The following ABCC5 variants were observed in gnomAD, a reference collection of about 807,000 sequenced individuals.
ABCC5 encodes ATP-binding cassette sub-family C member 5.
ABCC5 carries 61 observed loss-of-function variants against 160.9 expected under a neutral mutation model. The observed-to-expected ratio is 0.38, with a 90% CI of 0.31 to 0.47. The LOEUF (loss-of-function observed/expected upper bound fraction) is 0.47, where lower values mean the gene tolerates loss of function less well. Ranked by LOEUF, ABCC5 falls within the 20% of genes least tolerant of loss-of-function variation. The pLI is 0.99. For missense variants in ABCC5, 1,308 were observed against 1,813.3 expected, an observed-to-expected ratio of 0.72 and a Z score of 5.06; for synonymous variants, 666 against 700.6, an observed-to-expected ratio of 0.95 and a Z score of 0.78.
intron 29 of ABCC5, among the ~76,000 whole-genome samples, chr3:183,924,341 T>G (rs377019613): frequency 3.3e-5 from 5 of 152,274 alleles, no homozygotes; most frequent in Admixed American, 6.5e-5. Context: ...CTATGGACTT[T>G]CCCTGAGACT....
At position 183,988,722 on chromosome 3, in the gene ABCC5, T is replaced by TGG. The variant is rs758996521; in HGVS notation, c.291_292dup (p.Gln98ProfsTer14). The stretch of plus-strand genomic sequence containing the variant: ...AAGCCCAGCATTGTCCACTGGGTGC[T>TGG]GGTGTCTAAGGAGAGAAAACCGAAA... On this transcript the variant is annotated frameshift_variant, in exon 4 of 30. Transcript: ENST00000334444. LOFTEE classifies it high-confidence loss of function. The surrounding 1 kb of genome is among the most constrained non-coding windows in gnomAD (Gnocchi z 4.4). 2 of 1,613,532 alleles carry TGG rather than the reference T, an allele frequency of 1.2e-6. No homozygotes were observed. Among genetic ancestry groups the TGG allele is most frequent in the Non-Finnish European group, 1.7e-6 (2 of 1,179,832 alleles).
At chr3:183,942,309 C>T (rs1187860451) in intron 25 of ABCC5, 2 of 444,942 alleles carry the variant, frequency 4.5e-6, no homozygotes, top group East Asian at 7.0e-5. Flanking sequence ...GCTGGGATTA[C>T]AGGCATGAGC....
At position 183,942,758 on chromosome 3, in the gene ABCC5, C is replaced by T. The variant is rs1714491150; in HGVS notation, c.3663G>A (p.Glu1221=). 1 of 1,614,136 alleles carries T rather than the reference C, an allele frequency of 6.2e-7. No homozygotes were observed. Among genetic ancestry groups the T allele is most frequent in the East Asian group, 2.2e-5 (1 of 44,884 alleles). The change falls in exon 25 of 30, where the codon GAG becomes GAA. Residue 1221 remains glutamate (E), a synonymous_variant. Transcript: ENST00000334444. ...KKVSFTIKPK[E]KIGIVGRTGS... ...CTGTCCGCCCCACAATGCCAATCTT[C>T]TCTTTAGGTTTGATCGTGAAGGATA...
intron 12 of ABCC5, 152 bp downstream of exon 12, chr3:183,967,543 G>C: frequency 1.4e-6 from 1 of 694,364 alleles, no homozygotes; most frequent in South Asian, 1.6e-5. Flanking sequence ...GGGGAGAACT[G>C]GGGGGAACTG....
At chr3:183,948,716 T>C (rs1319150728) in intron 22 of ABCC5, among the ~76,000 whole-genome samples, 1 of 152,198 alleles carries the variant, frequency 6.6e-6, no homozygotes, top group East Asian at 1.9e-4. Flanking sequence ...TTTTTATTTT[T>C]TTTGAGATGG....
At position 184,014,295 on chromosome 3, in the gene ABCC5, C is replaced by G. The variant is rs548366681; in HGVS notation, c.98G>C (p.Arg33Pro). ...RTSTSGTHRD[R>P]EDSKFRRTRP... ...AGTTCTCCTGAACTTGGAATCTTCA[C>G]GGTCTCTGTGCGTCCCAGAAGTGCT... The change falls in exon 2 of 30, where the codon CGT becomes CCT. Residue 33 changes from arginine (R) to proline (P), a missense_variant. Around this residue, in one of 3 missense-constraint regions of ABCC5, gnomAD observed 1,142 missense variants for 1,527.1 expected, o/e 0.75. Coordinates refer to ENST00000334444, the MANE Select transcript of ABCC5 (RefSeq NM_005688.4). 1 of 1,613,934 alleles carries G rather than the reference C, an allele frequency of 6.2e-7. No homozygotes were observed. The highest frequency in any genetic ancestry group is 8.5e-7 in the Non-Finnish European group (1 of 1,179,910).
intron 28 of ABCC5, among the ~76,000 whole-genome samples, chr3:183,926,994 G>A (rs1056082094): frequency 3.3e-5 from 5 of 151,724 alleles, no homozygotes; most frequent in African/African-American, 4.8e-5. Flanking sequence ...GCAGTGAGCC[G>A]AGATTTGGCC....
Position 183,927,396 on chromosome 3 carries a change from C to T in ABCC5, c.3981G>A (p.Gly1327=), listed in dbSNP as rs1712692637. ...GCCGTTCCCCCACTGAGAAGTTATC[C>T]CCATTCTCCATCACTTCAGATTCAA... ...LKLESEVMEN[G]DNFSVGERQL... The change falls in exon 28 of 30, where the codon GGG becomes GGA. Residue 1327 remains glycine, a synonymous_variant. Transcript: ENST00000334444. 6.2e-7 allele frequency: 1 copy of T among 1,613,744 alleles called. No homozygotes were observed. The highest frequency in any genetic ancestry group is 1.3e-5 in the African/African-American group (1 of 74,918).
chr3:183,992,727 T>G (rs918576896), intron 2 of ABCC5, among the ~76,000 whole-genome samples: 1 of 151,764 alleles, frequency 6.6e-6, no homozygotes, highest in African/African-American at 2.4e-5. Flanking sequence ...AGGCGGAGCT[T>G]GCAGTGAGCC....
At chr3:183,983,378 C>CT (rs1447426374) in intron 5 of ABCC5, 40 of 253,300 alleles carry the variant, frequency 1.6e-4, no homozygotes, top group African/African-American at 2.8e-4. Context: ...AAATTAAGAC[C>CT]TTTTTTTTGG....
intron 5 of ABCC5, 50 bp from the exon 6 acceptor site, chr3:183,983,057 AC>A (rs1560031519): frequency 2.0e-6 from 3 of 1,475,338 alleles, no homozygotes; most frequent in Non-Finnish European, 2.8e-6. Flanking sequence ...GCACTCACAC[AC>A]AATGCCATAG....
chr3:184,010,365 G>A (rs1721624952), intron 2 of ABCC5: 2 of 151,820 alleles, frequency 1.3e-5, no homozygotes, highest in African/African-American at 4.8e-5. Context: ...TATAAAAGTG[G>A]TATTAGCCTT....
intron 11 of ABCC5, among the ~76,000 whole-genome samples, chr3:183,968,519 C>T (rs900419732): frequency 5.3e-5 from 8 of 152,008 alleles, no homozygotes; most frequent in Non-Finnish European, 1.0e-4. Context: ...AATTAATTTT[C>T]AATAAAAACC....
At chr3:183,979,700 C>T (rs1363932744) in intron 8 of ABCC5, among the ~76,000 whole-genome samples, 1 of 151,986 alleles carries the variant, frequency 6.6e-6, no homozygotes, top group Non-Finnish European at 1.5e-5. Context: ...CCCATCTTAG[C>T]CTCCCAAGTA....
chr3:183,930,278 C>A (rs1372022021), intron 26 of ABCC5, among the ~76,000 whole-genome samples: 2 of 152,246 alleles, frequency 1.3e-5, no homozygotes, highest in Admixed American at 6.5e-5. Context: ...CGCCTCATTC[C>A]TGCTATCTGG....
rs892386157 is a variant in ABCC5 at position 183,963,079 on chromosome 3, G to T, written c.2235+306C>A. Among the ~76,000 whole-genome samples, 1 of 152,214 alleles carries T rather than the reference G, an allele frequency of 6.6e-6. No homozygotes were observed. Among genetic ancestry groups the T allele is most frequent in the Non-Finnish European group, 1.5e-5 (1 of 68,044 alleles). On this transcript the variant is annotated intron_variant, in intron 15 of 29. Coordinates refer to ENST00000334444, the MANE Select transcript of ABCC5 (RefSeq NM_005688.4). This position sits in a 1 kb window ranked among gnomAD's most constrained non-coding sequence, Gnocchi z 4.6. ...CCAAAACAGTTCCCACTTGCATAGA[G>T]ATGTTAACACAATGCTTTCCAAACT...
chr3:183,951,490 C>A lies in ABCC5; in HGVS notation c.2895G>T (p.Thr965=), dbSNP rs776157859. 1 of 1,614,114 alleles carries A rather than the reference C, an allele frequency of 6.2e-7. No individual in the cohort carries two copies. Among genetic ancestry groups the A allele is most frequent in the African/African-American group, 1.3e-5 (1 of 75,032 alleles). ...ILRSPMKFFD[T]TPTGRILNRF... is the part of the protein sequence containing the mutation. ...TGTTGAGAATCCTCCCTGTGGGGGT[C>A]GTGTCAAAAAACTTCATAGGGCTTC... The change falls in exon 20 of 30, where the codon ACG becomes ACT. Residue 965 remains threonine (T), a synonymous_variant. Transcript: ENST00000334444. This position sits in a 1 kb window ranked among gnomAD's most constrained non-coding sequence, Gnocchi z 4.7.
At chr3:184,010,608 C>T (rs978345008) in intron 2 of ABCC5, 1 of 152,984 alleles carries the variant, frequency 6.5e-6, no homozygotes, top group African/African-American at 2.4e-5. Flanking sequence ...GCTCCACAGC[C>T]TCCACCTTCT....
chr3:183,997,472 T>C (rs1478401818), intron 2 of ABCC5, among the ~76,000 whole-genome samples: 1 of 152,208 alleles, frequency 6.6e-6, no homozygotes, highest in Admixed American at 6.5e-5. Context: ...TCTTCTTTCC[T>C]TTAGTTTTCC....
Sources: allele counts gnomAD v4.1 joint callset (sites outside exome capture counted in the v4.1 genomes callset), GRCh38; gene constraint gnomAD v4.1.1; regional missense constraint gnomAD v4.1.1; non-coding constraint Gnocchi (gnomAD v3.1); transcripts MANE v1.5; gene names NCBI Gene and HGNC (gene_info 2026-07-23, HGNC 2026-07-21).